The following DTHD1 variants were observed in gnomAD, a reference collection of about 807,000 sequenced individuals.
DTHD1 encodes death domain-containing protein 1.
A neutral mutation model predicts 74.8 loss-of-function variants in DTHD1; 59 were observed. That is an observed-to-expected ratio of 0.79 (90% confidence interval 0.64 to 0.98). The LOEUF is 0.98. Among genes scored for constraint, DTHD1 ranks in the 50% least tolerant of loss-of-function variants. DTHD1 has a pLI of 0.00. For missense variants in DTHD1, 1,051 were observed against 1,065.4 expected (o/e 0.99, Z 0.19); for synonymous variants, 365 against 371.1 (o/e 0.98, Z 0.19).
intron 5 of DTHD1, among the ~76,000 whole-genome samples, chr4:36,297,722 A>G (rs184183068): frequency 7.2e-5 from 11 of 152,248 alleles, no homozygotes; most frequent in African/African-American, 2.4e-4. Flanking sequence ...GTCTGGGAAT[A>G]GATATTAAAC....
chr4:36,302,037 C>T (rs963961926), intron 5 of DTHD1, among the ~76,000 whole-genome samples: 2 of 151,936 alleles, frequency 1.3e-5, no homozygotes, highest in Non-Finnish European at 2.9e-5. Flanking sequence ...TGTTGGGGGC[C>T]AGGGTGCGGG....
intron 5 of DTHD1, among the ~76,000 whole-genome samples, chr4:36,299,064 C>T (rs1371671345): frequency 6.6e-6 from 1 of 152,136 alleles, no homozygotes; most frequent in Admixed American, 6.6e-5. Context: ...ATTCCATCCC[C>T]TTTGTCCTCA....
chr4:36,314,073 T>TA (rs1757555027), intron 7 of DTHD1, among the ~76,000 whole-genome samples: 2 of 150,912 alleles, frequency 1.3e-5, no homozygotes, highest in Non-Finnish European at 2.9e-5. Context: ...GAATCTGTTT[T>TA]TTTTTTTTTT....
At position 36,281,722 on chromosome 4, in the gene DTHD1, G is replaced by C; in HGVS notation, c.-37G>C. The stretch of plus-strand genomic sequence containing the variant: ...TGAATTTGCAAAACCTTTAGGCTTT[G>C]CTGGCAGGAGAGAAAATACCACTTT... On this transcript the variant is annotated 5_prime_UTR_variant, in exon 1 of 10. Transcript: ENST00000639862. 1 of 1,234,828 alleles carries C rather than the reference G, an allele frequency of 8.1e-7. No homozygotes were observed. The highest frequency in any genetic ancestry group is 1.0e-6 in the Non-Finnish European group (1 of 988,614). The allele number at this position is 1,234,828 out of a possible 1,614,324, so 76.5% of individuals were successfully genotyped here.
intron 3 of DTHD1, among the ~76,000 whole-genome samples, chr4:36,291,563 T>C (rs992256058): frequency 6.6e-6 from 1 of 152,194 alleles, no homozygotes; most frequent in Non-Finnish European, 1.5e-5. Context: ...GCGTGGTGGC[T>C]TAGGCCTGTA....
intron 8 of DTHD1, among the ~76,000 whole-genome samples, chr4:36,323,932 C>T (rs1758183847): frequency 6.6e-6 from 1 of 152,108 alleles, no homozygotes; most frequent in Admixed American, 6.6e-5. Context: ...CATGCATCTC[C>T]CTTACATGTT....
At chr4:36,335,229 T>C (rs1758941480) in intron 8 of DTHD1, among the ~76,000 whole-genome samples, 1 of 151,900 alleles carries the variant, frequency 6.6e-6, no homozygotes, top group Non-Finnish European at 1.5e-5. Flanking sequence ...AAATTTTTGT[T>C]AAGTTTTTTG....
intron 8 of DTHD1, among the ~76,000 whole-genome samples, chr4:36,327,235 G>A (rs1238170137): frequency 6.6e-6 from 1 of 152,112 alleles, no homozygotes; most frequent in African/African-American, 2.4e-5. Context: ...CCAAAATGCG[G>A]GGATTACAGG....
In DTHD1 at chr4:36,332,419, G is replaced by T. The variant is rs1240500500; in HGVS notation, c.2341-6693G>T. ...TATTGTGAGGAGCCCCATTATGTTT[G>T]CTGTGCTTCCTATGATGACCTGTGT... On this transcript the variant is annotated intron_variant, in intron 8 of 9. Coordinates refer to ENST00000639862, the MANE Select transcript of DTHD1 (RefSeq NM_001170700.3). Among the ~76,000 whole-genome samples, 5 of 152,042 alleles carry T rather than the reference G, an allele frequency of 3.3e-5. No homozygotes were observed. The East Asian group carries it at 9.6e-4, about 29-fold the overall frequency.
At chr4:36,307,521 T>G (rs1171972324) in intron 6 of DTHD1, among the ~76,000 whole-genome samples, 1 of 152,236 alleles carries the variant, frequency 6.6e-6, no homozygotes, top group Non-Finnish European at 1.5e-5. Context: ...CCAAATAAGG[T>G]CACATTCTGA....
intron 2 of DTHD1, among the ~76,000 whole-genome samples, chr4:36,288,513 T>G (rs1175783561): frequency 6.6e-6 from 1 of 152,212 alleles, no homozygotes; most frequent in Non-Finnish European, 1.5e-5. Context: ...GCAGTTTCAT[T>G]CTTCCACATG....
intron 3 of DTHD1, among the ~76,000 whole-genome samples, chr4:36,291,555 G>A (rs140352415): frequency 7.2e-5 from 11 of 152,338 alleles, no homozygotes; most frequent in East Asian, 1.9e-4. Context: ...GAGGCCAGGC[G>A]TGGTGGCTTA....
At chr4:36,313,414 GA>G (rs1169895949) in intron 7 of DTHD1, among the ~76,000 whole-genome samples, 1 of 30,050 alleles carries the variant, frequency 3.3e-5, no homozygotes, top group Admixed American at 5.7e-4. Flanking sequence ...GCCAGTGAGG[GA>G]GGAAAAAAAA....
chr4:36,306,202 C>G lies in DTHD1; in HGVS notation c.1655C>G (p.Ala552Gly), dbSNP rs551082542. 1 of 1,551,460 alleles carries G rather than the reference C, an allele frequency of 6.4e-7. No homozygotes were observed. Among genetic ancestry groups the G allele is most frequent in the Non-Finnish European group, 8.7e-7 (1 of 1,146,834 alleles). The change falls in exon 6 of 10, where the codon GCC becomes GGC. Residue 552 changes from alanine to glycine, a missense_variant. Coordinates refer to ENST00000639862, the MANE Select transcript of DTHD1 (RefSeq NM_001170700.3). The stretch of plus-strand genomic sequence containing the variant: ...TTACCATTATATAGGACAAAAATTG[C>G]CTCCATAAGAAAACCTAGGAAAAAT... ...TPSYFNRTKI[A>G]SIRKPRKNAS...
intron 8 of DTHD1, among the ~76,000 whole-genome samples, chr4:36,324,120 G>T (rs139008188): frequency 6.6e-6 from 1 of 152,028 alleles, no homozygotes; most frequent in Non-Finnish European, 1.5e-5. Context: ...AATGAGAAGA[G>T]ATTATTTCCC....
At chr4:36,284,969 G>T (rs1030607968) in intron 2 of DTHD1, among the ~76,000 whole-genome samples, 3 of 152,062 alleles carry the variant, frequency 2.0e-5, no homozygotes, top group African/African-American at 7.2e-5. Context: ...CACCTTGGGG[G>T]TCAGGATTTC....
At chr4:36,325,728 TG>T (rs375287335) in intron 8 of DTHD1, among the ~76,000 whole-genome samples, 21 of 152,330 alleles carry the variant, frequency 1.4e-4, no homozygotes, top group African/African-American at 4.1e-4. Flanking sequence ...CTCAGTACAC[TG>T]GTTTGAGCTA....
At chr4:36,340,688 A>G (rs764441975) in intron 9 of DTHD1, among the ~76,000 whole-genome samples, 1 of 152,164 alleles carries the variant, frequency 6.6e-6, no homozygotes, top group Non-Finnish European at 1.5e-5. Context: ...GGAGATGAAT[A>G]TTGTGAGTGC....
chr4:36,340,471 T>G (rs1384886052), intron 9 of DTHD1, among the ~76,000 whole-genome samples: 1 of 152,132 alleles, frequency 6.6e-6, no homozygotes, highest in Non-Finnish European at 1.5e-5. Flanking sequence ...ACATTAGGGC[T>G]TGGGTGCAGG....
Sources: allele counts gnomAD v4.1 joint callset (sites outside exome capture counted in the v4.1 genomes callset), GRCh38; gene constraint gnomAD v4.1.1; transcripts MANE v1.5; gene names NCBI Gene and HGNC (gene_info 2026-07-23, HGNC 2026-07-21).